Variants in FAF1 observed in about 807,000 individuals in gnomAD.
FAF1 encodes the protein FAS-associated factor 1.
Under a neutral mutation model 92.5 loss-of-function variants are expected in FAF1, and 25 were observed. That is an observed-to-expected ratio of 0.27 (90% CI 0.20 to 0.38). The LOEUF is 0.38. Ranked by LOEUF, FAF1 falls within the 10% of genes least tolerant of loss-of-function variation. The pLI is 1.00. For synonymous variants in FAF1, 234 were observed against 273.2 expected, an observed-to-expected ratio of 0.86 and a Z score of 1.42; for missense variants, 636 against 793.3, an observed-to-expected ratio of 0.80 and a Z score of 2.38.
chr1:50,630,029 G>A (rs894157828), intron 8 of FAF1, among the ~76,000 whole-genome samples: 1 of 151,880 alleles, frequency 6.6e-6, no homozygotes, highest in African/African-American at 2.4e-5. Flanking sequence ...CTGCACTCCA[G>A]CCTGGCGACA....
In FAF1 at chr1:50,710,815, G is replaced by C. The variant is rs527720084; in HGVS notation, c.552-4924C>G. 7.9e-5 allele frequency among the ~76,000 whole-genome samples: 12 copies of C among 151,902 alleles called. No individual in the cohort carries two copies. In the South Asian group the frequency reaches 2.5e-3, roughly 32 times the overall value. On this transcript the variant is annotated intron_variant, in intron 6 of 18. Coordinates refer to ENST00000396153, the MANE Select transcript of FAF1 (RefSeq NM_007051.3). ...GACGGGGTTTCACCATGTTAGCCAG[G>C]ATGGTCTCAATTTCCTGACCTCGTG...
chr1:50,469,966 C>G (rs1646550395), intron 18 of FAF1, among the ~76,000 whole-genome samples: 1 of 152,294 alleles, frequency 6.6e-6, no homozygotes, highest in South Asian at 2.1e-4. Flanking sequence ...GTACCTTTAA[C>G]ATGTATTTCA....
In FAF1 at chr1:50,819,668, A is replaced by T. The variant is rs182006711; in HGVS notation, c.115-17991T>A. ...CACACACACACACACACACACACAC[A>T]CTCTCTCTCTGTATATATATATACA... is the stretch of plus-strand genomic sequence containing the variant. On this transcript the variant is annotated intron_variant, in intron 2 of 18. Coordinates refer to ENST00000396153, the MANE Select transcript of FAF1 (RefSeq NM_007051.3). 8.0e-3 allele frequency among the ~76,000 whole-genome samples: 953 copies of T among 118,870 alleles called. 29 individuals carry two copies. Among genetic ancestry groups the T allele is most frequent in the Non-Finnish European group, 0.012 (683 of 58,910 alleles). The allele number at this position is 118,870 out of a possible 152,430, so 78.0% of individuals were successfully genotyped here.
At chr1:50,645,913 T>C (rs928202177) in intron 8 of FAF1, among the ~76,000 whole-genome samples, 20 of 151,880 alleles carry the variant, frequency 1.3e-4, no homozygotes, top group Non-Finnish European at 5.9e-5. Flanking sequence ...AGATGCTGAG[T>C]GAGATTTGGG....
chr1:50,750,128 CAT>C (rs2124507937), intron 4 of FAF1, among the ~76,000 whole-genome samples: 1 of 152,272 alleles, frequency 6.6e-6, no homozygotes, highest in African/African-American at 2.4e-5. Flanking sequence ...AGCCAGAATT[CAT>C]ATTTGTGTCT....
intron 13 of FAF1, among the ~76,000 whole-genome samples, chr1:50,557,975 C>A (rs1649672412): frequency 6.6e-6 from 1 of 151,856 alleles, no homozygotes. Context: ...TGCAGTGGTG[C>A]AATCTCGGCT....
rs1427332133 is a variant in FAF1, at chr1:50,819,730, C to CATAT, written c.115-18057_115-18054dup. 3.5e-3 allele frequency among the ~76,000 whole-genome samples: 124 copies of CATAT among 35,886 alleles called. 13 individuals are homozygous for CATAT. The highest frequency in any genetic ancestry group is 0.014 in the African/African-American group (115 of 8,422). The allele number at this position is 35,886 out of a possible 152,430, so 23.5% of individuals were successfully genotyped here. On this transcript the variant is annotated intron_variant, in intron 2 of 18. Coordinates refer to ENST00000396153, the MANE Select transcript of FAF1 (RefSeq NM_007051.3). ...ATATATATATACGTATATATATATACATATATATACATATATATATACATA... is the reference window on the plus strand; with the variant it reads ...ATATATATATACGTATATATATATACATATATATATATACATATATATATACATA...
At chr1:50,903,278 T>C (rs1339645223) in intron 1 of FAF1, among the ~76,000 whole-genome samples, 4 of 152,190 alleles carry the variant, frequency 2.6e-5, no homozygotes, top group Non-Finnish European at 4.4e-5. Context: ...TCCTTAATTA[T>C]CCCTACCCTC....
At chr1:50,578,629 A>G (rs1199613633) in intron 12 of FAF1, among the ~76,000 whole-genome samples, 3 of 152,112 alleles carry the variant, frequency 2.0e-5, no homozygotes, top group Non-Finnish European at 4.4e-5. Flanking sequence ...GCTTTTCTGG[A>G]CTTTCTCATC....
intron 16 of FAF1, 103 bp from the exon 17 acceptor site, chr1:50,490,768 T>C (rs1572780784): frequency 1.3e-6 from 1 of 787,418 alleles, no homozygotes; most frequent in East Asian, 2.5e-5. Flanking sequence ...AGAAAGAGTA[T>C]GTGACATTCA....
intron 1 of FAF1, among the ~76,000 whole-genome samples, chr1:50,872,318 T>G (rs1644535555): frequency 6.6e-6 from 1 of 152,250 alleles, no homozygotes; most frequent in East Asian, 1.9e-4. Context: ...GAACTGCAGA[T>G]ATGGTGAAGA....
intron 7 of FAF1, among the ~76,000 whole-genome samples, chr1:50,671,586 G>A (rs562727899): frequency 4.6e-5 from 7 of 152,132 alleles, no homozygotes; most frequent in African/African-American, 1.7e-4. Context: ...AAGAGGGTGA[G>A]GATTCAAACT....
At chr1:50,870,945 A>G (rs1297331894) in intron 1 of FAF1, among the ~76,000 whole-genome samples, 1 of 152,236 alleles carries the variant, frequency 6.6e-6, no homozygotes, top group Non-Finnish European at 1.5e-5. Context: ...TTTTGCACCA[A>G]ATAGCCACAT....
At chr1:50,637,271 A>AC (rs1274180799) in intron 8 of FAF1, among the ~76,000 whole-genome samples, 2 of 104,142 alleles carry the variant, frequency 1.9e-5, no homozygotes, top group Non-Finnish European at 1.9e-5. Context: ...CCCCATTTCT[A>AC]CTAAAAAAAA....
chr1:50,496,691 A>G (rs1399543836), intron 15 of FAF1, among the ~76,000 whole-genome samples: 1 of 152,128 alleles, frequency 6.6e-6, no homozygotes, highest in Non-Finnish European at 1.5e-5. Flanking sequence ...CAGGAGTTTG[A>G]GACCAGCCTG....
At chr1:50,668,663 A>G (rs1320538728) in intron 7 of FAF1, among the ~76,000 whole-genome samples, 1 of 152,190 alleles carries the variant, frequency 6.6e-6, no homozygotes, top group Non-Finnish European at 1.5e-5. Flanking sequence ...ACCAAACCCT[A>G]AGGACTGATG....
In FAF1 at chr1:50,539,621, G is replaced by A; in HGVS notation, c.1376C>T (p.Ser459Leu). 6.2e-7 allele frequency: 1 copy of A among 1,612,736 alleles called. No individual in the cohort carries two copies. Among genetic ancestry groups the A allele is most frequent in the South Asian group, 1.1e-5 (1 of 90,920 alleles). ...PLFLIIMGKRSSNEVLNVIQG... is the reference protein window; with the variant it reads ...PLFLIIMGKRLSNEVLNVIQG... ...TATCACATTCAACACTTCATTAGAT[G>A]ATCGCTTTCCCATAATAATCAGGAA... Residue 459 changes from serine (S) to leucine (L), a missense_variant, in exon 14 of 19, where the codon TCA (serine) becomes TTA (leucine). Transcript: ENST00000396153.
intron 1 of FAF1, among the ~76,000 whole-genome samples, chr1:50,864,632 G>A (rs1644464712): frequency 6.6e-6 from 1 of 151,392 alleles, no homozygotes; most frequent in Non-Finnish European, 1.5e-5. Context: ...AAACTGGCTA[G>A]CCATATGTAG....
At chr1:50,623,143 C>G (rs994473977) in intron 8 of FAF1, among the ~76,000 whole-genome samples, 1 of 152,110 alleles carries the variant, frequency 6.6e-6, no homozygotes, top group African/African-American at 2.4e-5. Flanking sequence ...ATAAGTGCAT[C>G]GAGTTCAAAT....
Sources: gnomAD v4.1 joint callset for allele counts (sites outside exome capture counted in the v4.1 genomes callset) on GRCh38, gnomAD v4.1.1 for gene constraint, MANE v1.5 for transcripts, NCBI Gene and HGNC (gene_info 2026-07-23, HGNC 2026-07-21) for gene names.